DNAH5: variants seen among roughly 807,000 people sequenced by gnomAD.
DNAH5 encodes axonemal beta dynein heavy chain 5.
A neutral mutation model predicts 518.2 loss-of-function variants in DNAH5; 372 were observed. That is an observed-to-expected ratio of 0.72 (90% CI 0.66 to 0.78). DNAH5 has a LOEUF of 0.78. DNAH5 is among the 30% of genes least tolerant of loss of function. The pLI, the probability that DNAH5 is intolerant of heterozygous loss-of-function variation, is 0.00. For missense variants in DNAH5, 5,523 were observed against 5,687.0 expected (o/e 0.97, Z 0.93); for synonymous variants, 2,039 against 2,025.9 (o/e 1.01, Z -0.17).
At chr5:13,712,821 A>T (rs567916280) in intron 75 of DNAH5, among the ~76,000 whole-genome samples, 6 of 152,270 alleles carry the variant, frequency 3.9e-5, no homozygotes, top group African/African-American at 1.4e-4. Flanking sequence ...ATCAAAAAAC[A>T]GTAGATGTTG....
At chr5:13,814,115 A>G (rs1174241830) in intron 43 of DNAH5, among the ~76,000 whole-genome samples, 2 of 152,144 alleles carry the variant, frequency 1.3e-5, no homozygotes, top group Non-Finnish European at 2.9e-5. Context: ...AATTGATGAG[A>G]TGTTATCTGA....
intron 35 of DNAH5, among the ~76,000 whole-genome samples, chr5:13,838,562 G>A (rs1183463450): frequency 1.3e-5 from 2 of 152,146 alleles, no homozygotes; most frequent in Non-Finnish European, 2.9e-5. Flanking sequence ...CTGATGATCT[G>A]TCACTGTCTC....
At chr5:13,850,559 CA>C (rs1331361694) in intron 31 of DNAH5, 92 bp downstream of exon 31, 2 of 1,114,428 alleles carry the variant, frequency 1.8e-6, no homozygotes, top group Non-Finnish European at 1.4e-6. Flanking sequence ...TCAGCCTTAG[CA>C]AAAGAAAACA....
chr5:13,992,756 A>G (rs534192249), intron 1 of DNAH5, among the ~76,000 whole-genome samples: 12 of 152,350 alleles, frequency 7.9e-5, no homozygotes, highest in African/African-American at 2.9e-4. Context: ...AAAAGGTAAA[A>G]ATACATTATT....
At chr5:14,003,144 T>G (rs1368347846) in intron 1 of DNAH5, among the ~76,000 whole-genome samples, 2 of 152,218 alleles carry the variant, frequency 1.3e-5, no homozygotes, top group Non-Finnish European at 2.9e-5. Context: ...TCATTTTGTC[T>G]TAATAGCAGT....
At chr5:13,695,995 T>C (rs1325929632) in intron 78 of DNAH5, among the ~76,000 whole-genome samples, 3 of 152,142 alleles carry the variant, frequency 2.0e-5, no homozygotes, top group Non-Finnish European at 4.4e-5. Flanking sequence ...GTGGATTAAA[T>C]CCTGTGGGCT....
chr5:13,817,592 C>T lies in DNAH5; in HGVS notation c.6944G>A (p.Gly2315Glu). ...TTTCCTCCAAAGCGTAGAAAATATC[C>T]CATCAGTCCAGTCATTTGTGGCAAC... The part of the protein sequence containing the change: ...LDVATNDWTD[G>E]IFSTLWRKTL... The change falls in exon 42 of 79, where the codon GGG (glycine) becomes GAG (glutamate). Residue 2315 changes from glycine (G) to glutamate (E), a missense_variant. Physicochemically the swap from Gly to Glu is moderately conservative, Grantham distance 98. Around this residue, in one of 3 missense-constraint regions of DNAH5, gnomAD observed 5,121 missense variants for 5,223.3 expected, o/e 0.98. Transcript: ENST00000265104. 1 of 1,614,088 alleles carries T rather than the reference C, an allele frequency of 6.2e-7. No homozygotes were observed. The highest frequency in any genetic ancestry group is 8.5e-7 in the Non-Finnish European group (1 of 1,180,026).
chr5:13,961,770 T>C (rs893758675), intron 1 of DNAH5, among the ~76,000 whole-genome samples: 2 of 152,022 alleles, frequency 1.3e-5, no homozygotes, highest in African/African-American at 4.8e-5. Context: ...CCTCCCCCAT[T>C]CCTCCTACTA....
At chr5:13,717,990 C>A (rs1170475810) in intron 72 of DNAH5, among the ~76,000 whole-genome samples, 2 of 151,988 alleles carry the variant, frequency 1.3e-5, no homozygotes, top group Non-Finnish European at 2.9e-5. Context: ...GATACATATG[C>A]ATATACTATA....
At position 13,829,691 on chromosome 5, in the gene DNAH5, G is replaced by A. The variant is rs1763381044; in HGVS notation, c.6263C>T (p.Ala2088Val). 2 of 1,613,922 alleles carry A rather than the reference G, an allele frequency of 1.2e-6. No homozygotes were observed. Among genetic ancestry groups the A allele is most frequent in the Non-Finnish European group, 1.7e-6 (2 of 1,179,946 alleles). ...GLFLTMNPGYAGRQELPENLK... is the reference protein window; with the variant it reads ...GLFLTMNPGYVGRQELPENLK... ...GTTTTCAGGGAGTTCCTGCCGTCCG[G>A]CATAGCCAGGATTCTAAACAGAAAA... Residue 2088 changes from alanine (A) to valine (V), a missense_variant, in exon 38 of 79, where the codon GCC (alanine) becomes GTC (valine). Ala to Val is a moderately conservative substitution (Grantham distance 64). Coordinates refer to ENST00000265104, the MANE Select transcript of DNAH5 (RefSeq NM_001369.3).
Position 13,792,185 on chromosome 5 carries a change from T to C in DNAH5, c.8257A>G (p.Arg2753Gly), listed in dbSNP as rs1757106768. The C allele has an allele frequency of 6.2e-7, 1 of 1,613,906 alleles. No homozygotes were observed. The highest frequency in any genetic ancestry group is 8.5e-7 in the Non-Finnish European group (1 of 1,179,956). ...TCTCTCACTTCTTCTGAGAAACCCC[T>C]CTGAGTACAGTAGTGGCCTACCCCA... The part of the protein sequence containing the change: ...VIGVGHYCTQ[R>G]GFSEEVRDSV... Residue 2753 changes from arginine (R) to glycine (G), a missense_variant, in exon 50 of 79, where the codon AGG becomes GGG. Transcript: ENST00000265104.
Position 13,810,062 on chromosome 5 carries a change from C to G in DNAH5, c.7606G>C (p.Asp2536His). The change falls in exon 45 of 79, where the codon GAT becomes CAT. Residue 2536 changes from aspartate to histidine, a missense_variant. This residue lies in a region of DNAH5 where 5,121 missense variants were observed against 5,223.3 expected (regional missense o/e 0.98). Transcript: ENST00000265104. Reference sequence around the variant, plus strand: ...CTGGACGGGCAGGTGTCCTCACCATCGGGCGCCACATAGTAGTCGAAGGCG... The same window carrying G: ...CTGGACGGGCAGGTGTCCTCACCATGGGGCGCCACATAGTAGTCGAAGGCG... ...DTAFDYYVAPDGTWTHWNTRT... is the reference protein window; with the variant it reads ...DTAFDYYVAPHGTWTHWNTRT... 1 of 1,551,944 alleles carries G rather than the reference C, an allele frequency of 6.4e-7. No individual in the cohort carries two copies. Among genetic ancestry groups the G allele is most frequent in the Non-Finnish European group, 8.7e-7 (1 of 1,148,098 alleles).
upstream of DNAH5, among the ~76,000 whole-genome samples, chr5:13,949,149 G>A (rs1447433146): frequency 1.3e-5 from 2 of 152,166 alleles, no homozygotes; most frequent in East Asian, 3.9e-4. Context: ...AGCAGAAGCA[G>A]AGGAATCTAG....
chr5:13,744,056 C>A (rs1748994495), intron 65 of DNAH5, among the ~76,000 whole-genome samples: 9 of 151,916 alleles, frequency 5.9e-5, no homozygotes, highest in Admixed American at 5.9e-4. Context: ...GCACTATGCA[C>A]AATTGACAAG....
chr5:13,726,890 A>G (rs1745814100), intron 70 of DNAH5, among the ~76,000 whole-genome samples: 1 of 152,244 alleles, frequency 6.6e-6, no homozygotes, highest in Non-Finnish European at 1.5e-5. Context: ...TTTTCATCAT[A>G]AAGGCAAGAC....
At chr5:13,980,983 A>C (rs896858415) in intron 1 of DNAH5, among the ~76,000 whole-genome samples, 1 of 152,166 alleles carries the variant, frequency 6.6e-6, no homozygotes, top group African/African-American at 2.4e-5. Context: ...CCCTGCTCAA[A>C]TGCTCCCTTA....
At chr5:13,731,438 T>C (rs933297801) in intron 68 of DNAH5, among the ~76,000 whole-genome samples, 26 of 152,322 alleles carry the variant, frequency 1.7e-4, no homozygotes, top group African/African-American at 6.3e-4. Context: ...ATTCATTGTT[T>C]AGTAGCCGGT....
chr5:13,929,982 G>T (rs958151976), intron 2 of DNAH5, among the ~76,000 whole-genome samples: 3 of 152,156 alleles, frequency 2.0e-5, no homozygotes, highest in African/African-American at 7.2e-5. Flanking sequence ...TATGAAGATG[G>T]AAATGAAGTC....
At chr5:13,835,749 C>T (rs1436437424) in intron 35 of DNAH5, among the ~76,000 whole-genome samples, 2 of 152,064 alleles carry the variant, frequency 1.3e-5, no homozygotes, top group African/African-American at 2.4e-5. Flanking sequence ...TCTCTCTGCT[C>T]GGAGCACCCC....
Sources: gnomAD v4.1 joint callset for allele counts (sites outside exome capture counted in the v4.1 genomes callset) on GRCh38, gnomAD v4.1.1 for gene constraint, gnomAD v4.1.1 regional missense constraint, MANE v1.5 for transcripts, NCBI Gene and HGNC (gene_info 2026-07-23, HGNC 2026-07-21) for gene names.